SEMA7A: variants seen among roughly 807,000 people sequenced by gnomAD.
SEMA7A encodes semaphorin-7A.
A neutral mutation model predicts 67.5 loss-of-function variants in SEMA7A; 21 were observed. The observed-to-expected ratio is 0.31, with a 90% CI of 0.22 to 0.45. SEMA7A has a LOEUF of 0.45. Ranked by LOEUF, SEMA7A falls within the 20% of genes least tolerant of loss-of-function variation. The pLI is 1.00. For missense variants in SEMA7A, 774 were observed against 908.6 expected (o/e 0.85, Z 1.90); for synonymous variants, 364 against 368.5 (o/e 0.99, Z 0.14).
rs1209754496 is a variant in SEMA7A, at chr15:74,411,372, C to T, written c.1578-16G>A. On this transcript the variant is annotated splice_polypyrimidine_tract_variant and intron_variant, in intron 12 of 13. Coordinates refer to ENST00000261918, the MANE Select transcript of SEMA7A (RefSeq NM_003612.5). The surrounding 1 kb of genome is among the most constrained non-coding windows in gnomAD (Gnocchi z 4.4). Reference sequence around the variant, plus strand: ...CAGCACTGACCTGGAGTGGGAAGGACGAAAGAGGATCAGCAGATACAAGGC... The same window carrying T: ...CAGCACTGACCTGGAGTGGGAAGGATGAAAGAGGATCAGCAGATACAAGGC... 6.2e-6 allele frequency: 10 copies of T among 1,613,104 alleles called. No homozygotes were observed. Among genetic ancestry groups the T allele is most frequent in the Admixed American group, 3.3e-5 (2 of 59,934 alleles).
intron 1 of SEMA7A, among the ~76,000 whole-genome samples, chr15:74,430,290 C>T (rs1437924684): frequency 1.3e-5 from 2 of 152,168 alleles, no homozygotes; most frequent in Admixed American, 1.3e-4. Context: ...AATTTCTCCT[C>T]CAGATTTCTC....
intron 10 of SEMA7A, among the ~76,000 whole-genome samples, chr15:74,412,560 T>G (rs1350403764): frequency 6.6e-6 from 1 of 152,154 alleles, no homozygotes; most frequent in Non-Finnish European, 1.5e-5. Context: ...TAAATACATT[T>G]TTTTTTTATT....
intron 1 of SEMA7A, chr15:74,427,090 T>C (rs974236139): frequency 2.3e-5 from 9 of 396,440 alleles, no homozygotes; most frequent in Non-Finnish European, 3.1e-5. Flanking sequence ...CTTGAAAATG[T>C]AGCTAAATCC....
At chr15:74,425,458 A>C (rs1334512941) in intron 1 of SEMA7A, among the ~76,000 whole-genome samples, 1 of 152,178 alleles carries the variant, frequency 6.6e-6, no homozygotes, top group Admixed American at 6.5e-5. Flanking sequence ...ATAACATCGT[A>C]TTCCAGAGAT....
chr15:74,420,959 T>A (rs11857558), intron 1 of SEMA7A, among the ~76,000 whole-genome samples: 1 of 152,108 alleles, frequency 6.6e-6, no homozygotes, highest in African/African-American at 2.4e-5. Context: ...CTAGCCACCT[T>A]CATCAGTCAC....
intron 1 of SEMA7A, among the ~76,000 whole-genome samples, chr15:74,420,959 T>C (rs11857558): frequency 0.33 from 49,593 of 152,194 alleles, 11,138 homozygotes; most frequent in African/African-American, 0.59. Flanking sequence ...CTAGCCACCT[T>C]CATCAGTCAC....
chr15:74,416,077 G>C, intron 7 of SEMA7A, 92 bp from the exon 8 acceptor site: 1 of 1,329,078 alleles, frequency 7.5e-7, no homozygotes. Flanking sequence ...ATCAACACCT[G>C]GGCCCAGAGG....
At chr15:74,427,855 C>A (rs1392002189) in intron 1 of SEMA7A, among the ~76,000 whole-genome samples, 1 of 152,230 alleles carries the variant, frequency 6.6e-6, no homozygotes, top group Admixed American at 6.5e-5. Flanking sequence ...CTCACCTCTC[C>A]AGGAATGTGG....
Position 74,417,455 on chromosome 15 carries a change from G to A in SEMA7A, c.551-10C>T, listed in dbSNP as rs188028857. 1.2e-6 allele frequency: 2 copies of A among 1,610,648 alleles called. No individual in the cohort carries two copies. Among genetic ancestry groups the A allele is most frequent in the African/African-American group, 1.3e-5 (1 of 74,962 alleles). On this transcript the variant is annotated splice_polypyrimidine_tract_variant and intron_variant, in intron 5 of 13. Transcript: ENST00000261918. ...GAATACACCTCGTCCCCTGGGGTCA[G>A]TGGGAGGGAGAAATGAGTAAGGGCA...
rs147891683 is a variant in SEMA7A, at chr15:74,416,676, G to A, written c.700C>T (p.Gln234Ter). The A allele has an allele frequency of 6.2e-7, 1 of 1,614,044 alleles. No homozygotes were observed. ...FIKATIVHQD[Q>*]AYDDKIYYFF... ...TAGTAGATCTTGTCATCGTAAGCCT[G>A]GTCTTGGTGCACGATGGTGGCTTTG... The change falls in exon 7 of 14, where the codon CAG (glutamine) becomes TAG (stop). Residue 234 changes from glutamine (Q) to a stop codon, truncating the protein, a stop_gained. Transcript: ENST00000261918. LOFTEE classifies it high-confidence loss of function.
In SEMA7A at chr15:74,411,273, C is replaced by T. The variant is rs957025416; in HGVS notation, c.1639+22G>A. 6.2e-7 allele frequency: 1 copy of T among 1,611,960 alleles called. No homozygotes were observed. On this transcript the variant is annotated intron_variant, in intron 13 of 13. Transcript: ENST00000261918. The surrounding 1 kb of genome is among the most constrained non-coding windows in gnomAD (Gnocchi z 4.4). ...TACCCCACTCATTGGGCCACAGCCG[C>T]CAGCAGGGCCAGATCAGGTACCTGG...
At chr15:74,416,129 C>T in intron 7 of SEMA7A, 144 bp from the exon 8 acceptor site, 3 of 823,352 alleles carry the variant, frequency 3.6e-6, no homozygotes, top group South Asian at 3.5e-5. Context: ...CCGGGGGTGC[C>T]CCAGGACTCA....
intron 10 of SEMA7A, among the ~76,000 whole-genome samples, chr15:74,412,273 G>C (rs539593419): frequency 6.6e-6 from 1 of 152,174 alleles, no homozygotes; most frequent in South Asian, 2.1e-4. Context: ...AAGGCTGCAC[G>C]GGAAGAACAG....
In SEMA7A at chr15:74,417,900, G is replaced by C. The variant is rs200895370; in HGVS notation, c.442C>G (p.Arg148Gly). The change falls in exon 4 of 14, where the codon CGG (arginine) becomes GGG (glycine). Residue 148 changes from arginine to glycine, a missense_variant. Around this residue, in one of 2 missense-constraint regions of SEMA7A, gnomAD observed 347 missense variants for 353.2 expected, o/e 0.98. Transcript: ENST00000261918. ...ACCAGGTTCCAGCAGCTGGGGTGCC[G>C]GGCGTTGGTGCCACAGGCCAGCAGC... ...EGLLACGTNA[R>G]HPSCWNLVNG... is the part of the protein sequence containing the mutation. The C allele has an allele frequency of 1.2e-6, 2 of 1,613,372 alleles. No homozygotes were observed. Among genetic ancestry groups the C allele is most frequent in the South Asian group, 2.2e-5 (2 of 91,074 alleles).
At chr15:74,412,909 T>A (rs971400718) in intron 10 of SEMA7A, among the ~76,000 whole-genome samples, 5 of 152,228 alleles carry the variant, frequency 3.3e-5, no homozygotes, top group Admixed American at 2.0e-4. Context: ...CCGAGCTGCC[T>A]GCCTCCTAGA....
rs1234819697 is a variant in SEMA7A at position 74,423,553 on chromosome 15, C to T, written c.179-4601G>A. On this transcript the variant is annotated intron_variant, in intron 1 of 13. Transcript: ENST00000261918. This position sits in a 1 kb window ranked among gnomAD's most constrained non-coding sequence, Gnocchi z 4.1. ...GCAAAAAGCTGTATATTCAGCCTCT[C>T]CCTACTTCCCTGAATCATCCCTACT... Among the ~76,000 whole-genome samples, 3 of 152,158 alleles carry T rather than the reference C, an allele frequency of 2.0e-5. No individual in the cohort carries two copies. Among genetic ancestry groups the T allele is most frequent in the African/African-American group, 7.2e-5 (3 of 41,430 alleles).
intron 10 of SEMA7A, among the ~76,000 whole-genome samples, chr15:74,412,579 A>C (rs914581726): frequency 1.3e-5 from 2 of 151,934 alleles, no homozygotes; most frequent in Non-Finnish European, 2.9e-5. Flanking sequence ...TTTTGGAGTA[A>C]TTTTAGATTC....
rs28362887 is a variant in SEMA7A, at chr15:74,425,613, G to C, written c.179-6661C>G. ...CACCCTGAAGACAGTGTGTGCAAGT[G>C]AGCACAGGTGTGCAGGCCCAGGTGA... is the stretch of plus-strand genomic sequence containing the variant. On this transcript the variant is annotated intron_variant, in intron 1 of 13. Coordinates refer to ENST00000261918, the MANE Select transcript of SEMA7A (RefSeq NM_003612.5). 5.4e-3 allele frequency among the ~76,000 whole-genome samples: 823 copies of C among 152,342 alleles called. 11 individuals carry two copies. Among genetic ancestry groups the C allele is most frequent in the African/African-American group, 0.019 (806 of 41,586 alleles).
rs976632357 is a variant in SEMA7A, at chr15:74,411,849, T to G, written c.1422+36A>C. On this transcript the variant is annotated intron_variant, in intron 11 of 13. Transcript: ENST00000261918. This position sits in a 1 kb window ranked among gnomAD's most constrained non-coding sequence, Gnocchi z 4.4. ...GAGCCCTGTCCTCAGCTGCAGTCAC[T>G]GCATAGCCCATGGGACGCAGTGGGG... 1 of 1,612,156 alleles carries G rather than the reference T, an allele frequency of 6.2e-7. No homozygotes were observed. Among genetic ancestry groups the G allele is most frequent in the African/African-American group, 1.3e-5 (1 of 74,922 alleles).
Sources: gnomAD v4.1 joint callset for allele counts (sites outside exome capture counted in the v4.1 genomes callset) on GRCh38, gnomAD v4.1.1 for gene constraint, gnomAD v4.1.1 regional missense constraint, Gnocchi (gnomAD v3.1) non-coding constraint, MANE v1.5 for transcripts, NCBI Gene and HGNC (gene_info 2026-07-23, HGNC 2026-07-21) for gene names.